Variants in DAAM2 observed in about 807,000 individuals in gnomAD.
DAAM2 encodes disheveled-associated activator of morphogenesis 2.
Under a neutral mutation model 120.7 loss-of-function variants are expected in DAAM2, and 39 were observed. The observed-to-expected ratio is 0.32, with a 90% CI of 0.25 to 0.42. The LOEUF (loss-of-function observed/expected upper bound fraction) is 0.42. Among genes scored for constraint, DAAM2 ranks in the 10% least tolerant of loss-of-function variants. The probability of loss-of-function intolerance (pLI) is 1.00; values close to 1 mark genes in which losing one functional copy is unlikely to be tolerated. For missense variants in DAAM2, 1,283 were observed against 1,401.7 expected (o/e 0.92, Z 1.35); for synonymous variants, 488 against 524.9 (o/e 0.93, Z 0.96).
intron 1 of DAAM2, among the ~76,000 whole-genome samples, chr6:39,839,133 G>A (rs1024351535): frequency 6.6e-6 from 1 of 151,432 alleles, no homozygotes; most frequent in Non-Finnish European, 1.5e-5. Flanking sequence ...TAAATGCCCC[G>A]TGATTCTACT....
chr6:39,871,329 A>C (rs932645480), intron 8 of DAAM2, among the ~76,000 whole-genome samples, 177 bp from the exon 9 acceptor site: 1 of 152,200 alleles, frequency 6.6e-6, no homozygotes, highest in Non-Finnish European at 1.5e-5. Flanking sequence ...ATGGGATCTT[A>C]TAAAGGGCAG....
chr6:39,900,988 T>C (rs73732315), intron 23 of DAAM2, among the ~76,000 whole-genome samples: 2,830 of 152,274 alleles, frequency 0.019, 90 homozygotes, highest in African/African-American at 0.063. Flanking sequence ...TTCTGAGTTC[T>C]GCCAGCCTCT....
chr6:39,878,192 T>C lies in DAAM2; in HGVS notation c.1302-11T>C, dbSNP rs759550555. 1.9e-6 allele frequency: 3 copies of C among 1,613,822 alleles called. No individual in the cohort carries two copies. Among genetic ancestry groups the C allele is most frequent in the Non-Finnish European group, 2.5e-6 (3 of 1,179,800 alleles). ...ACAATCACATTGCCCCTTCCCTCTA[T>C]GCCCTGCCAGGCTCATCAACGAGAA... On this transcript the variant is annotated splice_polypyrimidine_tract_variant and intron_variant, in intron 11 of 24. Coordinates refer to ENST00000274867, the MANE Select transcript of DAAM2 (RefSeq NM_001201427.2). The surrounding 1 kb of genome is among the most constrained non-coding windows in gnomAD (Gnocchi z 5.0).
chr6:39,832,981 T>C (rs1473029033), intron 1 of DAAM2, among the ~76,000 whole-genome samples: 2 of 152,078 alleles, frequency 1.3e-5, no homozygotes. Flanking sequence ...GTGAGGGTTC[T>C]AAATGGGTGG....
At chr6:39,807,592 C>T (rs1762045445) in intron 1 of DAAM2, among the ~76,000 whole-genome samples, 1 of 152,182 alleles carries the variant, frequency 6.6e-6, no homozygotes. Flanking sequence ...CCTCTTTTCA[C>T]TGCAACCTCC....
intron 17 of DAAM2, 181 bp downstream of exon 17, chr6:39,888,944 A>C (rs1019449848): frequency 4.9e-6 from 2 of 410,212 alleles, no homozygotes; most frequent in South Asian, 6.7e-5. Context: ...GAAAAGGCTA[A>C]GTGTTCTCCA....
intron 1 of DAAM2, among the ~76,000 whole-genome samples, chr6:39,826,272 T>C (rs1163571809): frequency 6.6e-6 from 1 of 151,966 alleles, no homozygotes; most frequent in Non-Finnish European, 1.5e-5. Flanking sequence ...AGATTTTTTT[T>C]TTATTTTACT....
intron 15 of DAAM2, chr6:39,886,609 A>G: frequency 2.5e-6 from 1 of 396,448 alleles, no homozygotes; most frequent in Non-Finnish European, 4.4e-6. Flanking sequence ...AGAAAGAAGA[A>G]ATGTAGCAGA....
intron 1 of DAAM2, among the ~76,000 whole-genome samples, chr6:39,830,236 G>T (rs1762828406): frequency 6.6e-6 from 1 of 152,346 alleles, no homozygotes. Flanking sequence ...ACTGAAGCCT[G>T]TGTCTATCTA....
At chr6:39,868,269 TC>T (rs567319598) in intron 6 of DAAM2, 49 of 237,104 alleles carry the variant, frequency 2.1e-4, no homozygotes, top group Non-Finnish European at 3.7e-4. Context: ...ACTGGGACCA[TC>T]CCTGGGAGCT....
chr6:39,864,673 T>G (rs1354893775), intron 4 of DAAM2, among the ~76,000 whole-genome samples, 166 bp downstream of exon 4: 1 of 152,140 alleles, frequency 6.6e-6, no homozygotes, highest in Non-Finnish European at 1.5e-5. Flanking sequence ...TCATGAAATT[T>G]TAAGGTAATC....
intron 1 of DAAM2, among the ~76,000 whole-genome samples, chr6:39,809,007 A>C (rs1302975288): frequency 6.6e-6 from 1 of 152,174 alleles, no homozygotes; most frequent in African/African-American, 2.4e-5. Context: ...AGCAGTTGGC[A>C]CTCCCAAAAG....
At chr6:39,807,923 T>C (rs1762054806) in intron 1 of DAAM2, among the ~76,000 whole-genome samples, 1 of 152,176 alleles carries the variant, frequency 6.6e-6, no homozygotes, top group African/African-American at 2.4e-5. Flanking sequence ...CCCTTGACCA[T>C]TGGTGAGTAG....
chr6:39,799,545 G>A (rs1420370592), intron 1 of DAAM2, among the ~76,000 whole-genome samples: 1 of 152,162 alleles, frequency 6.6e-6, no homozygotes, highest in Non-Finnish European at 1.5e-5. Flanking sequence ...TGGTGAAGGG[G>A]AGGGCACAGA....
chr6:39,825,345 C>T (rs907338018), intron 1 of DAAM2, among the ~76,000 whole-genome samples: 9 of 148,362 alleles, frequency 6.1e-5, no homozygotes, highest in Admixed American at 5.6e-4. Context: ...ACTGAGATTG[C>T]GCCACTGCAC....
rs1762710411 is a variant in DAAM2, at chr6:39,827,343, G to A, written c.-56-28904G>A. Among the ~76,000 whole-genome samples, 3 of 152,300 alleles carry A rather than the reference G, an allele frequency of 2.0e-5. No individual in the cohort carries two copies. The South Asian group carries it at 6.2e-4, about 32-fold the overall frequency. On this transcript the variant is annotated intron_variant, in intron 1 of 24. Transcript: ENST00000274867. ...GTGCATGCCAGCAGCTGTATGAGGG[G>A]CGTCCTGCAGATCATGTCGGAGAAA...
In DAAM2 at chr6:39,867,790, C is replaced by T. The variant is rs1332172716; in HGVS notation, c.709C>T (p.Leu237=). The T allele has an allele frequency of 6.2e-7, 1 of 1,612,756 alleles. No homozygotes were observed. The highest frequency in any genetic ancestry group is 8.5e-7 in the Non-Finnish European group (1 of 1,179,526). Residue 237 remains leucine (L), a synonymous_variant, in exon 6 of 25, where the codon CTG becomes TTG. Transcript: ENST00000274867. ...CGTGCCTGGTGGCCACAAGAAGGTG[C>T]TGCAGGCCATGCTGCACTACCAGGT... ...CLVPGGHKKV[L]QAMLHYQVYA... is the part of the protein sequence containing the mutation.
Position 39,902,541 on chromosome 6 carries a change from A to T in DAAM2, c.*504A>T, listed in dbSNP as rs1279323297. 6.5e-6 allele frequency: 1 copy of T among 152,868 alleles called. No homozygotes were observed. Among genetic ancestry groups the T allele is most frequent in the East Asian group, 1.9e-4 (1 of 5,198 alleles). 9.5% of individuals were successfully genotyped at this position (152,868 alleles called of 1,614,324 possible). ...ACCTGGGGGCAAACTTTCCTCTTGA[A>T]TGGGAACAGAGGAGGCATTATATAT... is the stretch of plus-strand genomic sequence containing the variant. On this transcript the variant is annotated 3_prime_UTR_variant, in exon 25 of 25. Coordinates refer to ENST00000274867, the MANE Select transcript of DAAM2 (RefSeq NM_001201427.2).
At chr6:39,855,293 A>G (rs553602623) in intron 1 of DAAM2, among the ~76,000 whole-genome samples, 1 of 152,266 alleles carries the variant, frequency 6.6e-6, no homozygotes, top group African/African-American at 2.4e-5. Flanking sequence ...TGTGGCACCA[A>G]TGACAGGGGT....
Sources: allele counts gnomAD v4.1 joint callset (sites outside exome capture counted in the v4.1 genomes callset), GRCh38; gene constraint gnomAD v4.1.1; non-coding constraint Gnocchi (gnomAD v3.1); transcripts MANE v1.5; gene names NCBI Gene and HGNC (gene_info 2026-07-23, HGNC 2026-07-21).